The following BLTP3B variants were observed in gnomAD, a reference collection of about 807,000 sequenced individuals.
BLTP3B encodes UHRF1 (ICBP90) binding protein 1-like.
the BLTP3B span, among the ~76,000 whole-genome samples, chr12:100,080,074 C>T: frequency 2.0e-5 from 3 of 152,172 alleles, no homozygotes; most frequent in African/African-American, 7.2e-5. Flanking sequence ...AGGGGTGGGG[C>T]CCTCATGGAG....
the BLTP3B span, among the ~76,000 whole-genome samples, chr12:100,117,986 C>G: frequency 1.5e-5 from 2 of 132,632 alleles, no homozygotes; most frequent in African/African-American, 7.5e-5. Flanking sequence ...TTTTATACTA[C>G]TCTTATCAAT....
At chr12:100,133,526 G>A in the BLTP3B span, among the ~76,000 whole-genome samples, 4 of 152,276 alleles carry the variant, frequency 2.6e-5, no homozygotes, top group East Asian at 1.9e-4. Context: ...GGGTGGGGGC[G>A]AGTAGGAAAC....
At chr12:100,134,323 G>A in the BLTP3B span, among the ~76,000 whole-genome samples, 1 of 152,236 alleles carries the variant, frequency 6.6e-6, no homozygotes, top group African/African-American at 2.4e-5. Flanking sequence ...CTAACATTTG[G>A]GCTGGGCGCA....
At chr12:100,045,894 C>A in the BLTP3B span, among the ~76,000 whole-genome samples, 1 of 152,126 alleles carries the variant, frequency 6.6e-6, no homozygotes, top group Admixed American at 6.6e-5. Context: ...AAAAATCAAA[C>A]AACCCCATTA....
the BLTP3B span, chr12:100,142,654 G>C: frequency 1.2e-6 from 2 of 1,605,366 alleles, no homozygotes; most frequent in South Asian, 2.2e-5. Context: ...GGCTGGAGAC[G>C]CCGCGGTCTC....
At chr12:100,107,193 CAGG>C in the BLTP3B span, among the ~76,000 whole-genome samples, 1 of 143,636 alleles carries the variant, frequency 7.0e-6, no homozygotes, top group Non-Finnish European at 1.5e-5. Context: ...AAGGCTGAGG[CAGG>C]AGAATTGCAT....
chr12:100,073,868 C>T, the BLTP3B span, among the ~76,000 whole-genome samples: 1 of 152,126 alleles, frequency 6.6e-6, no homozygotes, highest in Admixed American at 6.5e-5. Context: ...AGAAACATAC[C>T]TCAAAACAGT....
the BLTP3B span, among the ~76,000 whole-genome samples, chr12:100,087,268 T>C: frequency 7.3e-4 from 110 of 151,228 alleles, 1 homozygote; most frequent in African/African-American, 2.6e-3. Flanking sequence ...CAAATTGGTA[T>C]AACGTGAACA....
the BLTP3B span, chr12:100,095,649 G>T: frequency 1.9e-6 from 3 of 1,577,812 alleles, no homozygotes; most frequent in African/African-American, 1.4e-5. Flanking sequence ...TATTTTTCCT[G>T]TTAACTTTAT....
chr12:100,070,153 T>G, the BLTP3B span: 1 of 1,567,410 alleles, frequency 6.4e-7, no homozygotes, highest in Non-Finnish European at 8.7e-7. Context: ...AGTTTTCTCA[T>G]CTGCTTAGGA....
the BLTP3B span, among the ~76,000 whole-genome samples, chr12:100,089,899 C>T: frequency 1.3e-5 from 2 of 152,098 alleles, no homozygotes; most frequent in African/African-American, 4.8e-5. Context: ...GGTGGCTTCC[C>T]CCATACTGTT....
chr12:100,134,003 G>T, the BLTP3B span, among the ~76,000 whole-genome samples: 1 of 152,130 alleles, frequency 6.6e-6, no homozygotes, highest in African/African-American at 2.4e-5. Flanking sequence ...CCAGAGGGAT[G>T]TACATAAAGA....
At chr12:100,140,704 C>CAAAAAA in the BLTP3B span, among the ~76,000 whole-genome samples, 18 of 33,778 alleles carry the variant, frequency 5.3e-4, no homozygotes, top group African/African-American at 1.1e-3. Context: ...GACTCTGTCT[C>CAAAAAA]AAAAAAAAAA....
chr12:100,100,166 A>C, the BLTP3B span, among the ~76,000 whole-genome samples: 1 of 151,718 alleles, frequency 6.6e-6, no homozygotes, highest in Admixed American at 6.6e-5. Flanking sequence ...TTAACTGGGC[A>C]TGGTGGCGCA....
chr12:100,092,893 C>A, the BLTP3B span: 1 of 985,162 alleles, frequency 1.0e-6, no homozygotes, highest in Non-Finnish European at 1.2e-6. Flanking sequence ...TTCAAAATGA[C>A]TTTTCTTACC....
At chr12:100,140,698 C>G in the BLTP3B span, among the ~76,000 whole-genome samples, 1 of 67,928 alleles carries the variant, frequency 1.5e-5, no homozygotes, top group Admixed American at 2.4e-4. Context: ...GAGTGAGACT[C>G]TGTCTCAAAA....
chr12:100,095,967 A>C, the BLTP3B span: 2 of 944,004 alleles, frequency 2.1e-6, no homozygotes, highest in Non-Finnish European at 3.0e-6. Flanking sequence ...AGAAGTATTT[A>C]CTGGCCGGGC....
At chr12:100,142,592 C>T in the BLTP3B span, 1 of 1,609,586 alleles carries the variant, frequency 6.2e-7, no homozygotes, top group Non-Finnish European at 8.5e-7. Context: ...GCTCACTGAC[C>T]TGGAGAGGTG....
the BLTP3B span, among the ~76,000 whole-genome samples, chr12:100,106,295 C>T: frequency 1.4e-5 from 2 of 147,600 alleles, no homozygotes; most frequent in Admixed American, 1.4e-4. Context: ...AAAAAAAAGA[C>T]ACCTGGACAC....
Sources: gnomAD v4.1 joint callset for allele counts (sites outside exome capture counted in the v4.1 genomes callset) on GRCh38, gnomAD v4.1.1 for gene constraint, MANE v1.5 for transcripts, NCBI Gene and HGNC (gene_info 2026-07-23, HGNC 2026-07-21) for gene names.